The following TRIO variants were observed in gnomAD, a reference collection of about 807,000 sequenced individuals.
The protein encoded by TRIO is trio Rho guanine nucleotide exchange factor.
Under a neutral mutation model 351.9 loss-of-function variants are expected in TRIO, and 58 were observed. The observed-to-expected ratio is 0.16, with a 90% CI of 0.13 to 0.21. TRIO has a LOEUF of 0.21. Among genes scored for constraint, TRIO ranks in the 10% least tolerant of loss-of-function variants. The probability of loss-of-function intolerance (pLI) is 1.00; values close to 1 mark genes in which losing one functional copy is unlikely to be tolerated. For missense variants in TRIO, 3,201 were observed against 4,027.8 expected (o/e 0.79, Z 5.56); for synonymous variants, 1,758 against 1,595.7 (o/e 1.10, Z -2.42).
chr5:14,420,057 C>A (rs754189591), intron 34 of TRIO, 36 bp downstream of exon 34: 1 of 1,598,736 alleles, frequency 6.3e-7, no homozygotes, highest in South Asian at 1.1e-5. Flanking sequence ...CAGACCCCTA[C>A]TGGAAGTGGC....
intron 1 of TRIO, among the ~76,000 whole-genome samples, chr5:14,159,308 A>T (rs896342325): frequency 7.9e-6 from 1 of 126,812 alleles, no homozygotes; most frequent in African/African-American, 3.5e-5. Flanking sequence ...TTAACTTTTC[A>T]GGAAATCGCA....
Position 14,381,240 on chromosome 5 carries a change from G to T in TRIO, c.3558G>T (p.Gln1186His). Residue 1186 changes from glutamine (Q) to histidine (H), a missense_variant, in exon 21 of 57, where the codon CAG becomes CAT. Coordinates refer to ENST00000344204, the MANE Select transcript of TRIO (RefSeq NM_007118.4). ...QELLKEHEEF[Q>H]ITAKQTKERV... is the part of the protein sequence containing the mutation. ...TCCTGAAAGAGCACGAGGAGTTCCA[G>T]ATAACTGCAAAGGTGGGTTCAGAGT... 6.2e-7 allele frequency: 1 copy of T among 1,611,784 alleles called. No individual in the cohort carries two copies. The highest frequency in any genetic ancestry group is 8.5e-7 in the Non-Finnish European group (1 of 1,179,328).
chr5:14,301,502 T>G (rs542258023), intron 7 of TRIO, among the ~76,000 whole-genome samples: 2 of 152,268 alleles, frequency 1.3e-5, no homozygotes, highest in East Asian at 3.9e-4. Flanking sequence ...CCTCATCTCC[T>G]AAGTGTCAGG....
chr5:14,471,905 G>T (rs938054073), intron 38 of TRIO, among the ~76,000 whole-genome samples: 22 of 151,808 alleles, frequency 1.4e-4, no homozygotes, highest in African/African-American at 4.9e-4. Flanking sequence ...GTTTAAACTT[G>T]CCTTTGGAGA....
At chr5:14,464,704 T>G (rs1754116779) in intron 36 of TRIO, among the ~76,000 whole-genome samples, 1 of 152,232 alleles carries the variant, frequency 6.6e-6, no homozygotes, top group Non-Finnish European at 1.5e-5. Context: ...CTGTCTGCTG[T>G]GAGACACGCA....
chr5:14,275,594 G>A (rs928891055), intron 2 of TRIO, among the ~76,000 whole-genome samples: 9 of 148,812 alleles, frequency 6.0e-5, no homozygotes, highest in African/African-American at 1.7e-4. Context: ...TTAAGTTTTT[G>A]GTTTAATCCT....
At chr5:14,439,965 C>T (rs1226624189) in intron 34 of TRIO, among the ~76,000 whole-genome samples, 3 of 152,090 alleles carry the variant, frequency 2.0e-5, no homozygotes, top group Non-Finnish European at 4.4e-5. Flanking sequence ...GCTGTTTTCA[C>T]GTTCTTTTTC....
chr5:14,309,463 G>A (rs1280833428), intron 8 of TRIO, among the ~76,000 whole-genome samples: 1 of 152,172 alleles, frequency 6.6e-6, no homozygotes, highest in East Asian at 1.9e-4. Context: ...CAGGAAGATG[G>A]GAAGGGAAGG....
chr5:14,214,516 AAC>A (rs1042409810), intron 1 of TRIO, among the ~76,000 whole-genome samples: 1 of 152,242 alleles, frequency 6.6e-6, no homozygotes, highest in East Asian at 1.9e-4. Flanking sequence ...TAGTCTGACA[AAC>A]ACACAGTTTT....
chr5:14,234,201 C>G (rs1462177828), intron 1 of TRIO, among the ~76,000 whole-genome samples: 1 of 152,030 alleles, frequency 6.6e-6, no homozygotes, highest in Non-Finnish European at 1.5e-5. Flanking sequence ...TACTTTAGGC[C>G]CATAGGGAGA....
intron 11 of TRIO, among the ~76,000 whole-genome samples, chr5:14,347,644 C>T (rs942882582): frequency 3.9e-5 from 6 of 152,166 alleles, no homozygotes; most frequent in Non-Finnish European, 8.8e-5. Flanking sequence ...GTGCCACAGC[C>T]GAAATAATTG....
In TRIO at chr5:14,497,129, C is replaced by T. The variant is rs1458802621; in HGVS notation, c.8019+112C>T. On this transcript the variant is annotated intron_variant, in intron 50 of 56. Coordinates refer to ENST00000344204, the MANE Select transcript of TRIO (RefSeq NM_007118.4). This position sits in a 1 kb window ranked among gnomAD's most constrained non-coding sequence, Gnocchi z 4.4. Reference sequence around the variant, plus strand: ...GGGCTTGCTTATGACCTCCCTCCCACCCACCAGCCCCGTGCCCTGCGTGTC... The same window carrying T: ...GGGCTTGCTTATGACCTCCCTCCCATCCACCAGCCCCGTGCCCTGCGTGTC... The T allele has an allele frequency of 4.8e-6, 7 of 1,451,394 alleles. No individual in the cohort carries two copies. The highest frequency in any genetic ancestry group is 1.4e-5 in the South Asian group (1 of 71,388). The allele number at this position is 1,451,394 out of a possible 1,614,324, so 89.9% of individuals were successfully genotyped here.
intron 20 of TRIO, among the ~76,000 whole-genome samples, chr5:14,379,809 C>T (rs1252740309): frequency 3.3e-5 from 5 of 152,230 alleles, no homozygotes; most frequent in African/African-American, 1.2e-4. Flanking sequence ...TCCTGAAGTG[C>T]GTGCTGTTGC....
intron 11 of TRIO, among the ~76,000 whole-genome samples, chr5:14,348,936 C>CTGTG (rs1742728441): frequency 7.1e-6 from 1 of 141,596 alleles, no homozygotes. Flanking sequence ...TGTGTTTTTC[C>CTGTG]TGTATGTGTG....
At chr5:14,246,288 T>G (rs1208269121) in intron 1 of TRIO, among the ~76,000 whole-genome samples, 2 of 152,262 alleles carry the variant, frequency 1.3e-5, no homozygotes, top group Non-Finnish European at 2.9e-5. Flanking sequence ...TACTAGCTGT[T>G]AAACTAGGGG....
chr5:14,274,954 T>G (rs1476241089), intron 2 of TRIO, among the ~76,000 whole-genome samples: 1 of 152,182 alleles, frequency 6.6e-6, no homozygotes, highest in African/African-American at 2.4e-5. Flanking sequence ...AGAGCCCTGG[T>G]TCCTTTTAGT....
At chr5:14,250,199 A>T (rs1186426175) in intron 1 of TRIO, among the ~76,000 whole-genome samples, 1 of 152,156 alleles carries the variant, frequency 6.6e-6, no homozygotes, top group East Asian at 1.9e-4. Context: ...TGCACAAAGG[A>T]GATGATGTAA....
chr5:14,172,736 G>T (rs1467839361), intron 1 of TRIO, among the ~76,000 whole-genome samples: 1 of 152,204 alleles, frequency 6.6e-6, no homozygotes, highest in Non-Finnish European at 1.5e-5. Context: ...TGTAGAATGG[G>T]GATAAGCTGA....
intron 9 of TRIO, among the ~76,000 whole-genome samples, chr5:14,330,333 G>GA (rs1740792645): frequency 6.6e-6 from 1 of 151,742 alleles, no homozygotes; most frequent in African/African-American, 2.4e-5. Flanking sequence ...AGAAGAGATG[G>GA]AAAAAAAATG....
Sources: allele counts gnomAD v4.1 joint callset (sites outside exome capture counted in the v4.1 genomes callset), GRCh38; gene constraint gnomAD v4.1.1; non-coding constraint Gnocchi (gnomAD v3.1); transcripts MANE v1.5; gene names NCBI Gene and HGNC (gene_info 2026-07-23, HGNC 2026-07-21).